Variants in ABCG8 observed in about 807,000 individuals in gnomAD.
ABCG8 encodes the protein ATP binding cassette subfamily G member 8.
In ABCG8, 81 loss-of-function variants were observed where a neutral mutation model predicts 71.3. That is an observed-to-expected ratio of 1.14 (90% CI 0.95 to 1.37). ABCG8 has a LOEUF of 1.37. Ranked by LOEUF, ABCG8 falls within the 40% of genes most tolerant of loss-of-function variation. ABCG8 has a pLI of 0.00. For missense variants in ABCG8, 1,119 were observed against 866.2 expected (o/e 1.29, Z -3.66); for synonymous variants, 451 against 354.7 (o/e 1.27, Z -3.05).
chr2:43,842,107 T>A (rs1334141321), intron 1 of ABCG8, among the ~76,000 whole-genome samples: 1 of 151,860 alleles, frequency 6.6e-6, no homozygotes, highest in Admixed American at 6.6e-5. Context: ...CCGGTTCAAG[T>A]GATTCTCCTG....
intron 3 of ABCG8, chr2:43,848,197 A>C (rs1464446311): frequency 5.3e-5 from 8 of 152,234 alleles, no homozygotes; most frequent in African/African-American, 1.9e-4. Flanking sequence ...CTGAGCAAAT[A>C]GTGATTAATG....
At chr2:43,845,094 GTGTGTA>G (rs1668702238) in intron 2 of ABCG8, among the ~76,000 whole-genome samples, 1 of 121,390 alleles carries the variant, frequency 8.2e-6, no homozygotes, top group Non-Finnish European at 1.7e-5. Context: ...GTGTGTGTGT[GTGTGTA>G]TATATATATA....
intron 6 of ABCG8, among the ~76,000 whole-genome samples, chr2:43,869,656 A>G (rs1381710242): frequency 1.3e-5 from 2 of 151,424 alleles, no homozygotes; most frequent in African/African-American, 4.9e-5. Flanking sequence ...TGTGGATAGA[A>G]ATTTCTCTAT....
chr2:43,862,830 A>T (rs943721185), intron 6 of ABCG8, among the ~76,000 whole-genome samples: 2 of 147,410 alleles, frequency 1.4e-5, no homozygotes, highest in South Asian at 2.2e-4. Context: ...ACTCTTACTA[A>T]CTGTCTGGAT....
intron 6 of ABCG8, among the ~76,000 whole-genome samples, chr2:43,861,290 A>G (rs1476492259): frequency 6.6e-6 from 1 of 151,272 alleles, no homozygotes; most frequent in Non-Finnish European, 1.5e-5. Flanking sequence ...CACTATCTGT[A>G]TAGAATTCTA....
chr2:43,844,443 C>T, intron 1 of ABCG8, 64 bp from the exon 2 acceptor site: 1 of 1,383,122 alleles, frequency 7.2e-7, no homozygotes, highest in Non-Finnish European at 1.0e-6. Context: ...TGGTTTCCTT[C>T]TTGTCTTCTC....
intron 3 of ABCG8, among the ~76,000 whole-genome samples, chr2:43,851,093 C>T (rs1471643040): frequency 2.0e-5 from 3 of 152,152 alleles, no homozygotes; most frequent in Non-Finnish European, 2.9e-5. Flanking sequence ...GTTTAAAAGA[C>T]GCTCTATAAA....
At chr2:43,863,481 T>A (rs1669406989) in intron 6 of ABCG8, among the ~76,000 whole-genome samples, 1 of 151,470 alleles carries the variant, frequency 6.6e-6, no homozygotes, top group African/African-American at 2.4e-5. Flanking sequence ...ACTCTCACTA[T>A]CTTTCCGGAT....
At chr2:43,849,564 G>A (rs1403218445) in intron 3 of ABCG8, among the ~76,000 whole-genome samples, 1 of 152,136 alleles carries the variant, frequency 6.6e-6, no homozygotes, top group Admixed American at 6.5e-5. Flanking sequence ...GGGACACAGA[G>A]CCAAACCATA....
chr2:43,862,861 A>G (rs560940119), intron 6 of ABCG8, among the ~76,000 whole-genome samples: 28 of 151,524 alleles, frequency 1.8e-4, no homozygotes, highest in African/African-American at 6.0e-4. Flanking sequence ...CTCTCTGGAT[A>G]GAACTCTCAC....
At chr2:43,847,406 A>C (rs1668777561) in intron 3 of ABCG8, 1 of 152,170 alleles carries the variant, frequency 6.6e-6, no homozygotes, top group Non-Finnish European at 1.5e-5. Context: ...CCTGACCTAA[A>C]TAAGAAAAAA....
At chr2:43,854,349 C>T (rs4076835) in intron 6 of ABCG8, among the ~76,000 whole-genome samples, 66,124 of 151,940 alleles carry the variant, frequency 0.44, 15,117 homozygotes, top group East Asian at 0.84. Flanking sequence ...GAGGAAGGGC[C>T]GGGTGCAGTG....
intron 6 of ABCG8, among the ~76,000 whole-genome samples, chr2:43,860,313 T>C (rs1483628110): frequency 2.0e-5 from 3 of 151,244 alleles, no homozygotes; most frequent in Non-Finnish European, 4.4e-5. Flanking sequence ...ACTATCTTCC[T>C]GGACGGAACT....
intron 6 of ABCG8, among the ~76,000 whole-genome samples, chr2:43,869,193 A>G (rs527243655): frequency 1.4e-5 from 2 of 141,000 alleles, no homozygotes; most frequent in South Asian, 4.7e-4. Flanking sequence ...AATTCTCACT[A>G]TCATTCTGGA....
At chr2:43,859,807 G>A (rs1669240709) in intron 6 of ABCG8, among the ~76,000 whole-genome samples, 1 of 144,430 alleles carries the variant, frequency 6.9e-6, no homozygotes, top group Non-Finnish European at 1.5e-5. Context: ...CTATCCGTCT[G>A]GATAGAATTC....
chr2:43,868,631 G>C (rs990061424), intron 6 of ABCG8, among the ~76,000 whole-genome samples: 1 of 151,926 alleles, frequency 6.6e-6, no homozygotes, highest in African/African-American at 2.4e-5. Flanking sequence ...TCTCTGTCTG[G>C]ATAGCACTCT....
At position 43,881,687 on chromosome 2, in the gene ABCG8, G is replaced by A. The variant is rs1248885392; in HGVS notation, c.*3774G>A. On this transcript the variant is annotated 3_prime_UTR_variant, in exon 13 of 13. Coordinates refer to ENST00000272286, the MANE Select transcript of ABCG8 (RefSeq NM_022437.3). ...TTGAGCCACCGCACTCCAGCCTGGTGACAGAGCGATACTCTGTCTCAAAAA... is the reference window on the plus strand; with the variant it reads ...TTGAGCCACCGCACTCCAGCCTGGTAACAGAGCGATACTCTGTCTCAAAAA... The A allele has an allele frequency of 7.6e-6, 1 of 131,178 alleles. No individual in the cohort carries two copies. The highest frequency in any genetic ancestry group is 3.0e-5 in the African/African-American group (1 of 33,340). 8.1% of individuals were successfully genotyped at this position (131,178 alleles called of 1,614,324 possible). A position where few individuals can be genotyped will look rare whatever the true frequency, so the allele number is the denominator to read the frequency against.
chr2:43,872,288 A>C lies in ABCG8; in HGVS notation c.1193A>C (p.Gln398Pro). 1.2e-6 allele frequency: 2 copies of C among 1,613,952 alleles called. No individual in the cohort carries two copies. The highest frequency in any genetic ancestry group is 1.7e-6 in the Non-Finnish European group (2 of 1,180,020). ...ACGAAGATGCCTGGGGCGGTGCAGCAGTTTACGACGCTGATCCGGTAATTA... is the reference window on the plus strand; with the variant it reads ...ACGAAGATGCCTGGGGCGGTGCAGCCGTTTACGACGCTGATCCGGTAATTA... ...SPTKMPGAVQ[Q>P]FTTLIRRQIS... The change falls in exon 8 of 13, where the codon CAG becomes CCG. Residue 398 changes from glutamine to proline, a missense_variant. Transcript: ENST00000272286.
chr2:43,847,257 C>G (rs1668773256), intron 3 of ABCG8: 1 of 152,184 alleles, frequency 6.6e-6, no homozygotes, highest in Non-Finnish European at 1.5e-5. Flanking sequence ...CTGCTCCAAA[C>G]TTTTACACCC....
Sources: allele counts gnomAD v4.1 joint callset (sites outside exome capture counted in the v4.1 genomes callset), GRCh38; gene constraint gnomAD v4.1.1; transcripts MANE v1.5; gene names NCBI Gene and HGNC (gene_info 2026-07-23, HGNC 2026-07-21).